PPFIBP1: variants seen among roughly 807,000 people sequenced by gnomAD.
PPFIBP1 encodes liprin-beta-1.
A neutral mutation model predicts 137.8 loss-of-function variants in PPFIBP1; 112 were observed. That is an observed-to-expected ratio of 0.81 (90% CI 0.70 to 0.95). PPFIBP1 has a LOEUF of 0.95. Ranked by LOEUF, PPFIBP1 falls within the 40% of genes least tolerant of loss-of-function variation. PPFIBP1 has a pLI of 0.00. For missense variants in PPFIBP1, 1,083 were observed against 1,196.6 expected, an observed-to-expected ratio of 0.91 and a Z score of 1.40; for synonymous variants, 378 against 417.3, an observed-to-expected ratio of 0.91 and a Z score of 1.15.
chr12:27,584,736 A>G (rs1305743355), intron 2 of PPFIBP1, among the ~76,000 whole-genome samples: 1 of 152,228 alleles, frequency 6.6e-6, no homozygotes. Flanking sequence ...TGTGCCCAAG[A>G]AATTATCATT....
At chr12:27,581,730 TG>T (rs1217175744) in intron 2 of PPFIBP1, among the ~76,000 whole-genome samples, 1 of 152,224 alleles carries the variant, frequency 6.6e-6, no homozygotes, top group East Asian at 1.9e-4. Context: ...TGCTTGGGGA[TG>T]GCAGTCTTAT....
At chr12:27,673,855 T>G in intron 16 of PPFIBP1, 28 bp downstream of exon 16, 2 of 1,579,878 alleles carry the variant, frequency 1.3e-6, no homozygotes, top group Non-Finnish European at 1.7e-6. Context: ...TGTTTTTTTT[T>G]GTCTGTTATC....
rs145532267 is a variant in PPFIBP1, at chr12:27,588,280, G to A, written c.-36+10041G>A. Among the ~76,000 whole-genome samples the A allele has an allele frequency of 2.5e-4, 38 of 152,266 alleles. 1 individual carries two copies. The East Asian group carries it at 7.3e-3, about 29-fold the overall frequency. ...TGCACCTGTGGGGTAATCTTAGAGA[G>A]CATGTGCATGTTTTTTTCCCTGACA... On this transcript the variant is annotated intron_variant, in intron 2 of 29. Coordinates refer to ENST00000228425, the MANE Select transcript of PPFIBP1 (RefSeq NM_003622.4).
chr12:27,592,185 G>A (rs1792977959), intron 2 of PPFIBP1, among the ~76,000 whole-genome samples: 2 of 152,322 alleles, frequency 1.3e-5, no homozygotes, highest in South Asian at 4.1e-4. Flanking sequence ...GGCTCAGGTT[G>A]GAATTGGATT....
chr12:27,671,453 T>C lies in PPFIBP1; in HGVS notation c.1169T>C (p.Val390Ala), dbSNP rs748308591. 1 of 1,593,710 alleles carries C rather than the reference T, an allele frequency of 6.3e-7. No homozygotes were observed. Among genetic ancestry groups the C allele is most frequent in the Non-Finnish European group, 8.5e-7 (1 of 1,171,924 alleles). Reference sequence around the variant, plus strand: ...CAGTTCCATACTACCATCTTGCAAGTTTCCATCCCTTCATTATTGCCAGCA... The same window carrying C: ...CAGTTCCATACTACCATCTTGCAAGCTTCCATCCCTTCATTATTGCCAGCA... ...PEEFHTTILQ[V>A]SIPSLLPATV... is the part of the protein sequence containing the mutation. The change falls in exon 14 of 30, where the codon GTT (valine) becomes GCT (alanine). Residue 390 changes from valine (V) to alanine (A), a missense_variant. By Grantham distance (64) the Val-to-Ala change is moderately conservative (BLOSUM62 0). Transcript: ENST00000228425.
chr12:27,676,513 T>A lies in PPFIBP1; in HGVS notation c.1496T>A (p.Phe499Tyr). 1 of 1,610,320 alleles carries A rather than the reference T, an allele frequency of 6.2e-7. No homozygotes were observed. Among genetic ancestry groups the A allele is most frequent in the Non-Finnish European group, 8.5e-7 (1 of 1,177,796 alleles). The part of the protein sequence containing the change: ...GQDTSMDDNP[F>Y]GTRKVRSSFG... ...GACACCTCCATGGATGACAACCCCT[T>A]CGGCACTCGAAAAGTCAGATCTTCC... The change falls in exon 18 of 30, where the codon TTC (phenylalanine) becomes TAC (tyrosine). Residue 499 changes from phenylalanine (F) to tyrosine (Y), a missense_variant. Phe to Tyr is a conservative substitution (Grantham distance 22). Transcript: ENST00000228425.
chr12:27,657,860 T>C (rs1003469641), intron 9 of PPFIBP1, among the ~76,000 whole-genome samples: 7 of 152,004 alleles, frequency 4.6e-5, no homozygotes, highest in Admixed American at 4.6e-4. Flanking sequence ...GTAATTCCAG[T>C]ACTTTGGAAG....
Position 27,664,438 on chromosome 12 carries a change from GT to G in PPFIBP1, c.984del (p.Gly331AlafsTer36). The G allele has an allele frequency of 6.2e-7, 1 of 1,609,146 alleles. No individual in the cohort carries two copies. The highest frequency in any genetic ancestry group is 8.5e-7 in the Non-Finnish European group (1 of 1,177,110). ...KMQDTVVLAQ[G>X]KKGKDGEYEE... ...CAAGACACGGTGGTACTGGCCCAAGGTAAAAAAGGTAGAGTGTAGCTCTAAA... is the reference window on the plus strand; with the variant it reads ...CAAGACACGGTGGTACTGGCCCAAGGAAAAAAGGTAGAGTGTAGCTCTAAA... On this transcript the variant is annotated frameshift_variant, in exon 12 of 30. Coordinates refer to ENST00000228425, the MANE Select transcript of PPFIBP1 (RefSeq NM_003622.4). LOFTEE classifies it high-confidence loss of function.
chr12:27,544,079 G>A (rs1239315304), intron 1 of PPFIBP1, among the ~76,000 whole-genome samples: 1 of 151,790 alleles, frequency 6.6e-6, no homozygotes, highest in East Asian at 1.9e-4. Flanking sequence ...ATAAGGTCTG[G>A]CTGTATTATC....
intron 1 of PPFIBP1, among the ~76,000 whole-genome samples, chr12:27,537,777 A>G (rs932179786): frequency 4.0e-5 from 6 of 151,656 alleles, no homozygotes; most frequent in African/African-American, 1.5e-4. Context: ...GCATGGGGAG[A>G]AAGATGCCCA....
At chr12:27,577,580 G>C (rs1202721718) in intron 1 of PPFIBP1, among the ~76,000 whole-genome samples, 1 of 152,090 alleles carries the variant, frequency 6.6e-6, no homozygotes, top group Admixed American at 6.5e-5. Context: ...ACTGTATCAT[G>C]GTGAGGATAT....
Position 27,680,039 on chromosome 12 carries a change from C to T in PPFIBP1, c.1873C>T (p.Arg625Ter), listed in dbSNP as rs151071761. Residue 625 changes from arginine to a stop codon, truncating the protein, a stop_gained, in exon 21 of 30, where the codon CGA becomes TGA. Coordinates refer to ENST00000228425, the MANE Select transcript of PPFIBP1 (RefSeq NM_003622.4). LOFTEE classifies it high-confidence loss of function. ...ATAGPRLGWS[R>*]DLGQSNSDLD... ...CGCGGGGCCCCGATTAGGTTGGTCT[C>T]GAGACTTGGGACAGTCTAACAGGTA... 11 of 1,613,872 alleles carry T rather than the reference C, an allele frequency of 6.8e-6. No homozygotes were observed. The highest frequency in any genetic ancestry group is 2.7e-5 in the African/African-American group (2 of 74,894).
At chr12:27,535,581 T>A (rs1944906661) in intron 1 of PPFIBP1, among the ~76,000 whole-genome samples, 1 of 151,970 alleles carries the variant, frequency 6.6e-6, no homozygotes, top group Non-Finnish European at 1.5e-5. Flanking sequence ...TTTTTTTTTG[T>A]AGAGACAGGA....
At position 27,667,276 on chromosome 12, in the gene PPFIBP1, G is replaced by T; in HGVS notation, c.1102G>T (p.Gly368Ter). ...EKSPSPTPVMGSPSCDPFNTS... is the reference protein window; with the variant it reads ...EKSPSPTPVM Reference sequence around the variant, plus strand: ...AAGTCCATCACCCACTCCAGTAATGGGATCTCCCAGTTGTGACCCATTTAA... The same window carrying T: ...AAGTCCATCACCCACTCCAGTAATGTGATCTCCCAGTTGTGACCCATTTAA... The change falls in exon 13 of 30, where the codon GGA becomes TGA. Residue 368 changes from glycine to a stop codon, truncating the protein, a stop_gained. Coordinates refer to ENST00000228425, the MANE Select transcript of PPFIBP1 (RefSeq NM_003622.4). LOFTEE classifies it high-confidence loss of function. The T allele has an allele frequency of 6.2e-7, 1 of 1,613,034 alleles. No individual in the cohort carries two copies. Among genetic ancestry groups the T allele is most frequent in the Non-Finnish European group, 8.5e-7 (1 of 1,179,558 alleles).
intron 19 of PPFIBP1, 52 bp downstream of exon 19, chr12:27,677,148 C>G: frequency 3.1e-6 from 5 of 1,600,116 alleles, no homozygotes; most frequent in Non-Finnish European, 4.3e-6. Flanking sequence ...CCAAACCAAT[C>G]TAATCCCTGC....
chr12:27,593,899 C>A (rs1323738178), intron 2 of PPFIBP1: 29 of 1,493,866 alleles, frequency 1.9e-5, no homozygotes, highest in Non-Finnish European at 2.5e-5. Context: ...TGGAAGGACC[C>A]TTGGAAGGTG....
chr12:27,633,835 CTTTT>C (rs56705005), intron 3 of PPFIBP1, among the ~76,000 whole-genome samples: 2 of 113,008 alleles, frequency 1.8e-5, no homozygotes, highest in Non-Finnish European at 3.5e-5. Flanking sequence ...ACTCCCGTAT[CTTTT>C]TTTTTTTTTT....
At chr12:27,690,417 G>T (rs1566026116) in intron 27 of PPFIBP1, among the ~76,000 whole-genome samples, 1 of 152,182 alleles carries the variant, frequency 6.6e-6, no homozygotes, top group Admixed American at 6.5e-5. Context: ...TTAATCTGAG[G>T]GTCCAAGGTT....
In PPFIBP1 at chr12:27,646,153, G is replaced by A. The variant is rs565719909; in HGVS notation, c.357+5G>A. On this transcript the variant is annotated splice_donor_5th_base_variant and intron_variant, in intron 5 of 29. Coordinates refer to ENST00000228425, the MANE Select transcript of PPFIBP1 (RefSeq NM_003622.4). The stretch of plus-strand genomic sequence containing the variant: ...AAAGAATCCCTCGTTCTTCAGGCAA[G>A]TGATTTTTAAATACTGTTCTTTCCT... 95 of 1,595,482 alleles carry A rather than the reference G, an allele frequency of 6.0e-5. 1 individual carries two copies. The South Asian group carries it at 9.7e-4, about 16-fold the overall frequency.
Sources: gnomAD v4.1 joint callset for allele counts (sites outside exome capture counted in the v4.1 genomes callset) on GRCh38, gnomAD v4.1.1 for gene constraint, MANE v1.5 for transcripts, NCBI Gene and HGNC (gene_info 2026-07-23, HGNC 2026-07-21) for gene names.